HS3ST3A1: variants seen among roughly 807,000 people sequenced by gnomAD.
HS3ST3A1 encodes the protein heparan sulfate-glucosamine 3-sulfotransferase 3A1.
Under a neutral mutation model 25.7 loss-of-function variants are expected in HS3ST3A1, and 19 were observed. The observed-to-expected ratio is 0.74, with a 90% confidence interval of 0.52 to 1.08. The LOEUF is 1.08. Among genes scored for constraint, HS3ST3A1 ranks in the 50% least tolerant of loss-of-function variants. The probability of loss-of-function intolerance (pLI) is 0.00; values close to 1 mark genes in which losing one functional copy is unlikely to be tolerated. For missense variants in HS3ST3A1, 459 were observed against 594.3 expected (o/e 0.77, Z 2.37); for synonymous variants, 226 against 278.6 (o/e 0.81, Z 1.88).
chr17:13,586,093 C>T (rs993573426), intron 1 of HS3ST3A1, among the ~76,000 whole-genome samples: 9 of 151,868 alleles, frequency 5.9e-5, no homozygotes, highest in African/African-American at 7.3e-5. Context: ...ATGATCCGCC[C>T]GCCTCAGCCT....
chr17:13,554,774 T>C (rs998577052), intron 1 of HS3ST3A1, among the ~76,000 whole-genome samples: 1 of 152,172 alleles, frequency 6.6e-6, no homozygotes, highest in Non-Finnish European at 1.5e-5. Context: ...TGGGATAAGA[T>C]GCCATCCCTG....
rs1028782485 is a variant in HS3ST3A1, at chr17:13,600,928, C to T, written c.202G>A (p.Gly68Ser). 6.5e-5 allele frequency: 99 copies of T among 1,530,354 alleles called. No individual in the cohort carries two copies. Among genetic ancestry groups the T allele is most frequent in the Admixed American group, 8.2e-5 (4 of 49,032 alleles). 94.8% of individuals were successfully genotyped at this position (1,530,354 alleles called of 1,614,324 possible). Reference sequence around the variant, plus strand: ...CTCGGGCCTCCGGCCAGGACGCCGCCACCAGGGGCCCCCGCCTCCTCGCCG... The same window carrying T: ...CTCGGGCCTCCGGCCAGGACGCCGCTACCAGGGGCCCCCGCCTCCTCGCCG... ...GGGEEAGAPG[G>S]GVLAGGPREL... The change falls in exon 1 of 2, where the codon GGC becomes AGC. Residue 68 changes from glycine (G) to serine (S), a missense_variant. By Grantham distance (56) the Gly-to-Ser change is moderately conservative. Coordinates refer to ENST00000284110, the MANE Select transcript of HS3ST3A1 (RefSeq NM_006042.3).
At chr17:13,581,070 A>T (rs1237092817) in intron 1 of HS3ST3A1, among the ~76,000 whole-genome samples, 1 of 152,220 alleles carries the variant, frequency 6.6e-6, no homozygotes, top group African/African-American at 2.4e-5. Flanking sequence ...CAAAGCTCAC[A>T]TTATGGTCAA....
At chr17:13,599,146 T>C (rs950079953) in intron 1 of HS3ST3A1, among the ~76,000 whole-genome samples, 1 of 152,230 alleles carries the variant, frequency 6.6e-6, no homozygotes, top group Non-Finnish European at 1.5e-5. Context: ...TCCCAGAGGA[T>C]ACAACATAAA....
intron 1 of HS3ST3A1, among the ~76,000 whole-genome samples, chr17:13,536,068 A>G (rs1189460632): frequency 6.6e-6 from 1 of 152,204 alleles, no homozygotes; most frequent in Non-Finnish European, 1.5e-5. Flanking sequence ...CTTATAAGTC[A>G]AGTAATATGC....
At position 13,545,669 on chromosome 17, in the gene HS3ST3A1, A is replaced by G. The variant is rs1267501240; in HGVS notation, c.600-48851T>C. Among the ~76,000 whole-genome samples the G allele has an allele frequency of 3.3e-5, 5 of 152,308 alleles. No homozygotes were observed. In the East Asian group the frequency reaches 9.6e-4, roughly 29 times the overall value. ...GTCCCGGGAGAAACCTCCGTTGCTCATGTCTGCATCACTCAGTACATCCAG... is the reference window on the plus strand; with the variant it reads ...GTCCCGGGAGAAACCTCCGTTGCTCGTGTCTGCATCACTCAGTACATCCAG... On this transcript the variant is annotated intron_variant, in intron 1 of 1. Coordinates refer to ENST00000284110, the MANE Select transcript of HS3ST3A1 (RefSeq NM_006042.3).
At chr17:13,575,102 C>T (rs1245620352) in intron 1 of HS3ST3A1, among the ~76,000 whole-genome samples, 1 of 149,926 alleles carries the variant, frequency 6.7e-6, no homozygotes, top group Non-Finnish European at 1.5e-5. Context: ...AGGCTTTCCC[C>T]CATTTGCTTT....
chr17:13,540,123 G>A (rs192795372), intron 1 of HS3ST3A1, among the ~76,000 whole-genome samples: 1 of 152,336 alleles, frequency 6.6e-6, no homozygotes, highest in East Asian at 1.9e-4. Flanking sequence ...ATATTTTTGT[G>A]AGTGAGAAAG....
chr17:13,551,238 A>G (rs904878656), intron 1 of HS3ST3A1, among the ~76,000 whole-genome samples: 1 of 151,452 alleles, frequency 6.6e-6, no homozygotes, highest in Non-Finnish European at 1.5e-5. Context: ...AATGCCAGCT[A>G]CTTGGGAGGC....
rs917040559 is a variant in HS3ST3A1 at position 13,494,374 on chromosome 17, C to G, written c.*1823G>C. On this transcript the variant is annotated 3_prime_UTR_variant, in exon 2 of 2. Transcript: ENST00000284110. ...AACAGATAAATCCAAAGATTTGGAGCAATGACAAAATATCTAACACTTAAA... is the reference window on the plus strand; with the variant it reads ...AACAGATAAATCCAAAGATTTGGAGGAATGACAAAATATCTAACACTTAAA... 2.0e-5 allele frequency among the ~76,000 whole-genome samples: 3 copies of G among 152,184 alleles called. No individual in the cohort carries two copies. The highest frequency in any genetic ancestry group is 7.2e-5 in the African/African-American group (3 of 41,448).
At chr17:13,500,005 T>A (rs938144560) in intron 1 of HS3ST3A1, among the ~76,000 whole-genome samples, 2 of 152,206 alleles carry the variant, frequency 1.3e-5, no homozygotes, top group East Asian at 3.8e-4. Flanking sequence ...CACAACAGAA[T>A]TCTTTAAATT....
chr17:13,501,797 C>T (rs1323712351), intron 1 of HS3ST3A1, among the ~76,000 whole-genome samples: 1 of 152,148 alleles, frequency 6.6e-6, no homozygotes, highest in Non-Finnish European at 1.5e-5. Context: ...TCAGGAGAAC[C>T]CCACTTAGTT....
At chr17:13,525,031 C>G (rs968178507) in intron 1 of HS3ST3A1, among the ~76,000 whole-genome samples, 1 of 152,028 alleles carries the variant, frequency 6.6e-6, no homozygotes, top group African/African-American at 2.4e-5. Flanking sequence ...TTTTGTTACC[C>G]CAGCTTGCTT....
intron 1 of HS3ST3A1, among the ~76,000 whole-genome samples, chr17:13,557,618 T>C (rs903662946): frequency 9.9e-5 from 15 of 152,088 alleles, no homozygotes; most frequent in South Asian, 6.2e-4. Context: ...ACTTAAGAGG[T>C]GAGCAGGAAA....
At chr17:13,520,629 TG>T (rs766491111) in intron 1 of HS3ST3A1, among the ~76,000 whole-genome samples, 93 of 148,386 alleles carry the variant, frequency 6.3e-4, no homozygotes, top group African/African-American at 8.9e-4. Flanking sequence ...TTTTTTTTTT[TG>T]GGGAAATAGA....
At chr17:13,539,405 A>G (rs574589367) in intron 1 of HS3ST3A1, among the ~76,000 whole-genome samples, 13 of 152,316 alleles carry the variant, frequency 8.5e-5, no homozygotes, top group Admixed American at 2.0e-4. Flanking sequence ...CTAGCTCCCA[A>G]TGTTTTTCTC....
chr17:13,564,395 T>A (rs957900600), intron 1 of HS3ST3A1, among the ~76,000 whole-genome samples: 1 of 152,196 alleles, frequency 6.6e-6, no homozygotes, highest in Non-Finnish European at 1.5e-5. Flanking sequence ...TGTCCCTTGG[T>A]ATCCACAAAG....
At chr17:13,578,456 G>A (rs1377741022) in intron 1 of HS3ST3A1, among the ~76,000 whole-genome samples, 1 of 150,996 alleles carries the variant, frequency 6.6e-6, no homozygotes, top group African/African-American at 2.4e-5. Context: ...CCAGCTACTT[G>A]GGAAGTGCAG....
At chr17:13,518,606 C>T (rs968403483) in intron 1 of HS3ST3A1, among the ~76,000 whole-genome samples, 2 of 152,150 alleles carry the variant, frequency 1.3e-5, no homozygotes, top group Non-Finnish European at 2.9e-5. Context: ...CTTAGTTTAT[C>T]CATGTGACTT....
Sources: gnomAD v4.1 joint callset for allele counts (sites outside exome capture counted in the v4.1 genomes callset) on GRCh38, gnomAD v4.1.1 for gene constraint, MANE v1.5 for transcripts, NCBI Gene and HGNC (gene_info 2026-07-23, HGNC 2026-07-21) for gene names.